The following YWHAZ variants were observed in gnomAD, a reference collection of about 807,000 sequenced individuals.
The protein encoded by YWHAZ is tyrosine 3-monooxygenase/tryptophan 5-monooxygenase activation protein zeta.
For synonymous variants in YWHAZ, 87 were observed against 103.6 expected (o/e 0.84, Z 0.97); for missense variants, 79 against 284.8 (o/e 0.28, Z 5.20).
intron 2 of YWHAZ, among the ~76,000 whole-genome samples, chr8:100,925,543 C>T (rs1813301419): frequency 6.6e-6 from 1 of 152,122 alleles, no homozygotes; most frequent in African/African-American, 2.4e-5. Flanking sequence ...TTTATAACAA[C>T]ACAATTCAAG....
chr8:100,951,611 A>C (rs1810790207), intron 1 of YWHAZ: 7 of 984,586 alleles, frequency 7.1e-6, no homozygotes, highest in Non-Finnish European at 8.4e-6. Flanking sequence ...CACCTTCGGG[A>C]GCCGGCGACA....
chr8:100,946,185 A>G (rs1810250679), intron 2 of YWHAZ, among the ~76,000 whole-genome samples: 1 of 152,128 alleles, frequency 6.6e-6, no homozygotes, highest in South Asian at 2.1e-4. Flanking sequence ...ATCCTCATCT[A>G]CTGGTTCTAT....
rs1022233344 is a variant in YWHAZ, at chr8:100,924,626, C to T, written c.418+290G>A. ...GGACCAAAGGCTTGCACCACCATGC[C>T]CAGCTAATTTTCAAAATATTTTTTG... On this transcript the variant is annotated intron_variant, in intron 3 of 5. Coordinates refer to ENST00000395958, the MANE Select transcript of YWHAZ (RefSeq NM_145690.3). This position sits in a 1 kb window ranked among gnomAD's most constrained non-coding sequence, Gnocchi z 5.7. 6.6e-6 allele frequency among the ~76,000 whole-genome samples: 1 copy of T among 152,124 alleles called. No homozygotes were observed. Among genetic ancestry groups the T allele is most frequent in the African/African-American group, 2.4e-5 (1 of 41,440 alleles).
chr8:100,921,491 A>T (rs1291910279), intron 5 of YWHAZ, among the ~76,000 whole-genome samples: 1 of 152,190 alleles, frequency 6.6e-6, no homozygotes, highest in Non-Finnish European at 1.5e-5. Flanking sequence ...TAGATCTTAA[A>T]GTGACTCACA....
At chr8:100,929,320 C>T (rs914285381) in intron 2 of YWHAZ, among the ~76,000 whole-genome samples, 7 of 152,034 alleles carry the variant, frequency 4.6e-5, no homozygotes, top group African/African-American at 9.7e-5. Flanking sequence ...CTGCCTTGGC[C>T]TCCTGAGTAG....
intron 2 of YWHAZ, among the ~76,000 whole-genome samples, chr8:100,946,818 T>C (rs1344956234): frequency 6.7e-6 from 1 of 149,456 alleles, no homozygotes; most frequent in East Asian, 1.9e-4. Flanking sequence ...GTGTAATAAT[T>C]GGGAAAAACA....
intron 2 of YWHAZ, among the ~76,000 whole-genome samples, chr8:100,930,819 A>T (rs937080718): frequency 3.9e-5 from 6 of 152,200 alleles, no homozygotes; most frequent in African/African-American, 1.4e-4. Flanking sequence ...ACATTTTAGA[A>T]AATACCCAAG....
At chr8:100,940,830 A>C (rs1809793177) in intron 2 of YWHAZ, among the ~76,000 whole-genome samples, 1 of 152,262 alleles carries the variant, frequency 6.6e-6, no homozygotes, top group African/African-American at 2.4e-5. Flanking sequence ...CAAAAATTCA[A>C]AAAGACTGCA....
intron 2 of YWHAZ, among the ~76,000 whole-genome samples, chr8:100,947,178 C>T (rs1389020159): frequency 5.4e-5 from 8 of 148,810 alleles, no homozygotes; most frequent in African/African-American, 1.2e-4. Context: ...GGCGTGAACC[C>T]GGGAGGCGGA....
chr8:100,935,597 G>A (rs1384658761), intron 2 of YWHAZ, among the ~76,000 whole-genome samples: 1 of 152,180 alleles, frequency 6.6e-6, no homozygotes, highest in African/African-American at 2.4e-5. Flanking sequence ...CAGCAAAGGG[G>A]CAGGCTAAGC....
chr8:100,952,181 C>A (rs944480932), upstream of YWHAZ: 99 of 983,624 alleles, frequency 1.0e-4, no homozygotes, highest in Middle Eastern at 5.2e-4. Context: ...GCGTAACCGC[C>A]GCTCCCCGGC....
At position 100,922,067 on chromosome 8, in the gene YWHAZ, G is replaced by C. The variant is rs1813060369; in HGVS notation, c.679-1315C>G. On this transcript the variant is annotated intron_variant, in intron 5 of 5. Transcript: ENST00000395958. This position sits in a 1 kb window ranked among gnomAD's most constrained non-coding sequence, Gnocchi z 4.1. ...CCAAATGACCTCTTGGAAACTGTGT[G>C]CTCCTCCTGTCAAACAAGGGGTTTT... Among the ~76,000 whole-genome samples, 1 of 152,174 alleles carries C rather than the reference G, an allele frequency of 6.6e-6. No individual in the cohort carries two copies. Among genetic ancestry groups the C allele is most frequent in the African/African-American group, 2.4e-5 (1 of 41,438 alleles).
chr8:100,918,356 A>AC lies in YWHAZ; in HGVS notation c.*2336_*2337insG, dbSNP rs1483296634. On this transcript the variant is annotated 3_prime_UTR_variant, in exon 6 of 6. Transcript: ENST00000395958. ...AGACTCTTGTCTCCAAAAAAAAAAAAAACAACAAAAAAATTCCCACCTCTT... is the reference window on the plus strand; with the variant it reads ...AGACTCTTGTCTCCAAAAAAAAAAAACAACAACAAAAAAATTCCCACCTCTT... 1.8e-4 allele frequency: 19 copies of AC among 105,972 alleles called. No homozygotes were observed. The highest frequency in any genetic ancestry group is 5.9e-4 in the African/African-American group (19 of 32,410). 6.6% of individuals were successfully genotyped at this position (105,972 alleles called of 1,614,324 possible). A position where few individuals can be genotyped will look rare whatever the true frequency, so the allele number is the denominator to read the frequency against.
rs1812759471 is a variant in YWHAZ, at chr8:100,917,635, C to T, written c.*3058G>A. On this transcript the variant is annotated 3_prime_UTR_variant, in exon 6 of 6. Coordinates refer to ENST00000395958, the MANE Select transcript of YWHAZ (RefSeq NM_145690.3). ...TTGCGAGGCTGAGGCAGGAGAATCA[C>T]TTCAGCCTGGGAGGAGAAGGTTGCA... 1 of 145,678 alleles carries T rather than the reference C, an allele frequency of 6.9e-6. No homozygotes were observed. Among genetic ancestry groups the T allele is most frequent in the Non-Finnish European group, 1.5e-5 (1 of 67,968 alleles). 9.0% of individuals were successfully genotyped at this position (145,678 alleles called of 1,614,324 possible). A position where few individuals can be genotyped will look rare whatever the true frequency, so the allele number is the denominator to read the frequency against.
chr8:100,919,861 G>A lies in YWHAZ; in HGVS notation c.*832C>T, dbSNP rs1407992132. On this transcript the variant is annotated 3_prime_UTR_variant, in exon 6 of 6. Coordinates refer to ENST00000395958, the MANE Select transcript of YWHAZ (RefSeq NM_145690.3). ...TATTTTTACAGCACATGCATGTTAG[G>A]CAAGTATCAAAAAAAAAAAAATCAC... is the stretch of plus-strand genomic sequence containing the variant. The A allele has an allele frequency of 2.9e-5, 3 of 104,216 alleles. No homozygotes were observed. The highest frequency in any genetic ancestry group is 8.7e-5 in the African/African-American group (2 of 22,896). The allele number at this position is 104,216 out of a possible 1,614,324, so 6.5% of individuals were successfully genotyped here. A position where few individuals can be genotyped will look rare whatever the true frequency, so the allele number is the denominator to read the frequency against.
At chr8:100,937,616 G>A (rs1453293241) in intron 2 of YWHAZ, among the ~76,000 whole-genome samples, 1 of 152,190 alleles carries the variant, frequency 6.6e-6, no homozygotes, top group South Asian at 2.1e-4. Flanking sequence ...GTGAGTGGGA[G>A]AAAGATCAAG....
chr8:100,917,429 AAC>A lies in YWHAZ; in HGVS notation c.*3262_*3263del, dbSNP rs1491049057. ...ACTCTTAAGTGGCCAATTTAAAAAA[AAC>A]ATACCAGGGTGGGCACAGTGGCTCA... On this transcript the variant is annotated 3_prime_UTR_variant, in exon 6 of 6. Transcript: ENST00000395958. 2.1e-5 allele frequency: 3 copies of A among 144,590 alleles called. No homozygotes were observed. The highest frequency in any genetic ancestry group is 3.2e-5 in the Non-Finnish European group (2 of 63,084). The allele number at this position is 144,590 out of a possible 1,614,324, so 9.0% of individuals were successfully genotyped here. A position where few individuals can be genotyped will look rare whatever the true frequency, so the allele number is the denominator to read the frequency against.
Position 100,928,549 on chromosome 8 carries a change from C to T in YWHAZ, c.295-3510G>A, listed in dbSNP as rs188381385. ...GAGTTCGAGACCAGCCTGGCCAACA[C>T]GGTAAAACCTCGTCTCTACCAAAAA... On this transcript the variant is annotated intron_variant, in intron 2 of 5. Transcript: ENST00000395958. Among the ~76,000 whole-genome samples, 258 of 151,856 alleles carry T rather than the reference C, an allele frequency of 1.7e-3. 1 individual carries two copies. Among genetic ancestry groups the T allele is most frequent in the Middle Eastern group, 6.8e-3 (2 of 292 alleles).
At chr8:100,929,803 G>GA (rs1178000043) in intron 2 of YWHAZ, among the ~76,000 whole-genome samples, 2 of 151,844 alleles carry the variant, frequency 1.3e-5, no homozygotes, top group African/African-American at 4.8e-5. Context: ...CCCAATGTAG[G>GA]AAGAATAGAA....
Sources: allele counts gnomAD v4.1 joint callset (sites outside exome capture counted in the v4.1 genomes callset), GRCh38; gene constraint gnomAD v4.1.1; non-coding constraint Gnocchi (gnomAD v3.1); transcripts MANE v1.5; gene names NCBI Gene and HGNC (gene_info 2026-07-23, HGNC 2026-07-21).